The following SPAG16 variants were observed in gnomAD, a reference collection of about 807,000 sequenced individuals.
SPAG16 encodes sperm-associated antigen 16 protein.
In SPAG16, 86 loss-of-function variants were observed where a neutral mutation model predicts 80.4. The ratio of observed to expected loss-of-function variants is 1.07; its 90% CI spans 0.90 to 1.28. The LOEUF is 1.28. SPAG16 is among the 50% of genes most tolerant of loss of function. The probability of loss-of-function intolerance (pLI) is 0.00; values close to 1 mark genes in which losing one functional copy is unlikely to be tolerated. For missense variants in SPAG16, 870 were observed against 765.3 expected, an observed-to-expected ratio of 1.14 and a Z score of -1.61; for synonymous variants, 294 against 265.9, an observed-to-expected ratio of 1.11 and a Z score of -1.03.
At chr2:213,432,441 A>T (rs928657296) in intron 9 of SPAG16, among the ~76,000 whole-genome samples, 1 of 152,170 alleles carries the variant, frequency 6.6e-6, no homozygotes, top group Non-Finnish European at 1.5e-5. Context: ...AAAAAAGATC[A>T]CCGGAGACAA....
At chr2:214,276,035 T>C (rs1692438946) in intron 15 of SPAG16, among the ~76,000 whole-genome samples, 1 of 152,222 alleles carries the variant, frequency 6.6e-6, no homozygotes, top group Non-Finnish European at 1.5e-5. Flanking sequence ...TTGATCCCTT[T>C]ACCATTATGT....
At chr2:214,160,208 A>T (rs1242353358) in intron 15 of SPAG16, among the ~76,000 whole-genome samples, 1 of 151,946 alleles carries the variant, frequency 6.6e-6, no homozygotes, top group Non-Finnish European at 1.5e-5. Context: ...AATATTAGCT[A>T]TATAACCACC....
At chr2:213,429,498 G>C (rs1257958319) in intron 9 of SPAG16, among the ~76,000 whole-genome samples, 1 of 152,140 alleles carries the variant, frequency 6.6e-6, no homozygotes, top group Non-Finnish European at 1.5e-5. Flanking sequence ...ACCACAGAGA[G>C]ATCTTACCTG....
intron 10 of SPAG16, among the ~76,000 whole-genome samples, chr2:213,754,609 TAAA>T (rs912359452): frequency 1.3e-3 from 194 of 152,236 alleles, no homozygotes; most frequent in African/African-American, 4.3e-3. Flanking sequence ...TCATAAATAT[TAAA>T]AAACTTTCAT....
At chr2:213,697,287 G>A (rs978929306) in intron 10 of SPAG16, among the ~76,000 whole-genome samples, 11 of 152,192 alleles carry the variant, frequency 7.2e-5, no homozygotes, top group Non-Finnish European at 1.5e-4. Context: ...TTTACATAGT[G>A]TCAGAGTAAA....
intron 9 of SPAG16, among the ~76,000 whole-genome samples, chr2:213,442,675 T>C (rs924160396): frequency 6.6e-6 from 1 of 152,132 alleles, no homozygotes; most frequent in Non-Finnish European, 1.5e-5. Context: ...GTAGAAAAGA[T>C]AGTATTTTCA....
At chr2:214,260,461 G>GCTA (rs760940114) in intron 15 of SPAG16, among the ~76,000 whole-genome samples, 36 of 151,924 alleles carry the variant, frequency 2.4e-4, no homozygotes, top group Admixed American at 4.6e-4. Context: ...ATTTCCACAT[G>GCTA]CTACTGTGTT....
chr2:214,262,512 T>C (rs1011656598), intron 15 of SPAG16, among the ~76,000 whole-genome samples: 2 of 152,110 alleles, frequency 1.3e-5, no homozygotes, highest in African/African-American at 4.8e-5. Context: ...CTAACTAAAA[T>C]AAACTTTGTA....
At chr2:213,731,754 C>T (rs758868192) in intron 10 of SPAG16, among the ~76,000 whole-genome samples, 2 of 152,108 alleles carry the variant, frequency 1.3e-5, no homozygotes, top group Non-Finnish European at 2.9e-5. Context: ...GTATAATGTC[C>T]TCCAGCTCCA....
At chr2:213,588,634 C>T (rs1446118309) in intron 10 of SPAG16, among the ~76,000 whole-genome samples, 1 of 150,408 alleles carries the variant, frequency 6.6e-6, no homozygotes, top group Non-Finnish European at 1.5e-5. Context: ...AACCCCGTCT[C>T]TACTAAAAAT....
chr2:213,475,963 G>C (rs2073351924), intron 9 of SPAG16, among the ~76,000 whole-genome samples: 1 of 152,156 alleles, frequency 6.6e-6, no homozygotes, highest in African/African-American at 2.4e-5. Flanking sequence ...ATGCAGAGGA[G>C]GGAAGGTCCC....
chr2:213,489,979 T>G lies in SPAG16; in HGVS notation c.959T>G (p.Ile320Arg). The change falls in exon 10 of 16, where the codon ATA becomes AGA. Residue 320 changes from isoleucine (I) to arginine (R), a missense_variant. By Grantham distance (97) the Ile-to-Arg change is moderately conservative. Coordinates refer to ENST00000331683, the MANE Select transcript of SPAG16 (RefSeq NM_024532.5). ...KGNTKDSEFP[I>R]DMQPNPNLNV... ...TTTCTCTAGGATTCAGAATTTCCCA[T>G]AGATATGCAACCAAATCCAAACCTG... The G allele has an allele frequency of 2.5e-6, 4 of 1,604,972 alleles. No homozygotes were observed. The highest frequency in any genetic ancestry group is 3.4e-6 in the Non-Finnish European group (4 of 1,176,860).
At chr2:213,719,761 T>C (rs1020179872) in intron 10 of SPAG16, among the ~76,000 whole-genome samples, 1 of 152,194 alleles carries the variant, frequency 6.6e-6, no homozygotes, top group African/African-American at 2.4e-5. Context: ...AGTTCAATGA[T>C]TGTGGAAGAC....
intron 15 of SPAG16, among the ~76,000 whole-genome samples, chr2:214,335,755 CTTTTTT>C (rs71037369): frequency 6.6e-5 from 6 of 90,562 alleles, no homozygotes; most frequent in Admixed American, 1.2e-4. Flanking sequence ...TATTAGGATT[CTTTTTT>C]TTTTTTTTTT....
intron 10 of SPAG16, among the ~76,000 whole-genome samples, chr2:213,690,337 C>A (rs1559379196): frequency 1.3e-5 from 2 of 152,224 alleles, no homozygotes; most frequent in Admixed American, 6.5e-5. Context: ...ATTTGGCTCT[C>A]CAGCAAGGGC....
At chr2:213,549,234 A>G (rs1168682184) in intron 10 of SPAG16, among the ~76,000 whole-genome samples, 2 of 152,008 alleles carry the variant, frequency 1.3e-5, no homozygotes, top group Non-Finnish European at 2.9e-5. Flanking sequence ...TACATTATAG[A>G]TTTTAAATAA....
At chr2:213,297,160 C>A in intron 2 of SPAG16, 102 bp from the exon 3 acceptor site, 2 of 1,476,086 alleles carry the variant, frequency 1.4e-6, no homozygotes, top group African/African-American at 1.4e-5. Flanking sequence ...TAAAGTATTT[C>A]TTTGATCCTT....
chr2:213,385,606 G>C (rs1451381383), intron 9 of SPAG16, among the ~76,000 whole-genome samples: 1 of 151,976 alleles, frequency 6.6e-6, no homozygotes, highest in African/African-American at 2.4e-5. Context: ...AGGAGGGTGG[G>C]GAATATATTG....
At chr2:213,291,494 C>T (rs918378474) in intron 1 of SPAG16, among the ~76,000 whole-genome samples, 6 of 152,130 alleles carry the variant, frequency 3.9e-5, no homozygotes, top group African/African-American at 7.2e-5. Flanking sequence ...CACTACCTGA[C>T]GTATTGTCCC....
Sources: allele counts gnomAD v4.1 joint callset (sites outside exome capture counted in the v4.1 genomes callset), GRCh38; gene constraint gnomAD v4.1.1; transcripts MANE v1.5; gene names NCBI Gene and HGNC (gene_info 2026-07-23, HGNC 2026-07-21).